DCAF8L2: variants seen among roughly 807,000 people sequenced by gnomAD.
DCAF8L2 encodes the protein DDB1 and CUL4 associated factor 8 like 2, also known as DDB1- and CUL4-associated factor 8-like protein 2.
For missense variants in DCAF8L2, 430 were observed against 490.7 expected, an observed-to-expected ratio of 0.88 and a Z score of 1.17; for synonymous variants, 200 against 190.9, an observed-to-expected ratio of 1.05 and a Z score of -0.39.
the DCAF8L2 span, among the ~76,000 whole-genome samples, chrX:27,527,662 C>A: frequency 9.1e-6 from 1 of 109,934 alleles, no homozygotes. Context: ...CTTGGAACCT[C>A]CGGATTTTTT....
At chrX:27,568,741 T>C in the DCAF8L2 span, among the ~76,000 whole-genome samples, 1 of 108,122 alleles carries the variant, frequency 9.2e-6, no homozygotes, top group African/African-American at 3.4e-5. Context: ...TACATATGTA[T>C]ACATGTGCCA....
the DCAF8L2 span, among the ~76,000 whole-genome samples, chrX:27,579,517 G>T: frequency 9.1e-6 from 1 of 109,464 alleles, no homozygotes; most frequent in African/African-American, 3.3e-5. Context: ...ATGTTTACCT[G>T]TGTAACAAAC....
At chrX:27,647,884 C>T (rs1429719463) in intron 2 of DCAF8L2, among the ~76,000 whole-genome samples, 1 of 111,960 alleles carries the variant, frequency 8.9e-6, no homozygotes, top group African/African-American at 3.2e-5. Flanking sequence ...TAACTTCATT[C>T]CTGCCCTTGC....
intron 2 of DCAF8L2, among the ~76,000 whole-genome samples, chrX:27,661,737 T>C (rs1230806233): frequency 8.9e-6 from 1 of 111,793 alleles, no homozygotes; most frequent in Admixed American, 9.6e-5. Context: ...ACCACCCAAC[T>C]TGACACTGAA....
chrX:27,577,676 T>C, the DCAF8L2 span, among the ~76,000 whole-genome samples: 3 of 111,474 alleles, frequency 2.7e-5, no homozygotes, highest in Non-Finnish European at 5.7e-5. Context: ...AAAAGCTTCT[T>C]AAGCTGATAA....
At chrX:27,681,969 G>T (rs1191832708) in intron 3 of DCAF8L2, among the ~76,000 whole-genome samples, 1 of 110,680 alleles carries the variant, frequency 9.0e-6, no homozygotes, top group Non-Finnish European at 1.9e-5. Flanking sequence ...CATTTTTTTT[G>T]TTGTTGTTTT....
At chrX:27,659,893 A>G (rs1929493145) in intron 2 of DCAF8L2, among the ~76,000 whole-genome samples, 1 of 111,496 alleles carries the variant, frequency 9.0e-6, no homozygotes, top group East Asian at 2.8e-4. Flanking sequence ...TTAAAAAATC[A>G]TAACGTTGGA....
At chrX:27,528,310 A>G in the DCAF8L2 span, among the ~76,000 whole-genome samples, 1 of 107,182 alleles carries the variant, frequency 9.3e-6, no homozygotes, top group Non-Finnish European at 1.9e-5. Context: ...TGTATACCAG[A>G]ATGTATGTTT....
At chrX:27,705,160 A>G (rs909740190) in intron 3 of DCAF8L2, among the ~76,000 whole-genome samples, 7 of 111,552 alleles carry the variant, frequency 6.3e-5, no homozygotes, top group Admixed American at 2.9e-4. Flanking sequence ...GCTGCATACT[A>G]TTCCATGGTG....
chrX:27,734,389 T>C (rs1013846419), intron 4 of DCAF8L2, among the ~76,000 whole-genome samples: 2 of 110,627 alleles, frequency 1.8e-5, no homozygotes, highest in Non-Finnish European at 3.8e-5. Flanking sequence ...GTGCTCTTCA[T>C]GCCTGAGCAT....
the DCAF8L2 span, among the ~76,000 whole-genome samples, chrX:27,507,875 A>G: frequency 9.0e-6 from 1 of 111,469 alleles, no homozygotes; most frequent in African/African-American, 3.3e-5. Flanking sequence ...AATATAATCT[A>G]TGTAAATATA....
At chrX:27,734,327 A>G (rs1921401469) in intron 4 of DCAF8L2, among the ~76,000 whole-genome samples, 2 of 111,292 alleles carry the variant, frequency 1.8e-5, no homozygotes, top group Admixed American at 9.6e-5. Context: ...GAGAGCCAGC[A>G]TTCCTACTAG....
At chrX:27,648,834 A>G (rs1336768333) in intron 2 of DCAF8L2, among the ~76,000 whole-genome samples, 1 of 111,490 alleles carries the variant, frequency 9.0e-6, no homozygotes, top group Non-Finnish European at 1.9e-5. Context: ...CAGAACTTTC[A>G]AATCAAATGA....
the DCAF8L2 span, among the ~76,000 whole-genome samples, chrX:27,472,054 G>A: frequency 2.7e-5 from 3 of 111,667 alleles, no homozygotes; most frequent in Non-Finnish European, 3.8e-5. Context: ...TTTCCACAGT[G>A]AGTAAATATT....
At chrX:27,674,002 C>T (rs191077955) in intron 2 of DCAF8L2, among the ~76,000 whole-genome samples, 31 of 111,385 alleles carry the variant, frequency 2.8e-4, no homozygotes, top group Non-Finnish European at 3.8e-5. Context: ...ACCCTTAAAT[C>T]ACCCATCACA....
the DCAF8L2 span, among the ~76,000 whole-genome samples, chrX:27,511,045 A>T: frequency 9.0e-6 from 1 of 111,089 alleles, no homozygotes; most frequent in Non-Finnish European, 1.9e-5. Context: ...AGCTACTAAA[A>T]AACCCCAGAT....
chrX:27,613,229 A>G (rs1300562298), intron 1 of DCAF8L2, among the ~76,000 whole-genome samples: 1 of 111,038 alleles, frequency 9.0e-6, no homozygotes, highest in Non-Finnish European at 1.9e-5. Flanking sequence ...ATGGGAGTTC[A>G]CTCATGATTT....
chrX:27,533,025 C>T, the DCAF8L2 span, among the ~76,000 whole-genome samples: 5 of 102,308 alleles, frequency 4.9e-5, no homozygotes, highest in Non-Finnish European at 7.9e-5. Flanking sequence ...TGCTGTGAGC[C>T]GAGATTGAAC....
chrX:27,586,275 T>C (rs112406602), upstream of DCAF8L2, among the ~76,000 whole-genome samples: 7,877 of 110,789 alleles, frequency 0.071, 284 homozygotes, highest in Non-Finnish European at 0.11. Flanking sequence ...TAGTATCTAC[T>C]AAAGTTGAAC....
Sources: allele counts gnomAD v4.1 joint callset (sites outside exome capture counted in the v4.1 genomes callset), GRCh38; gene constraint gnomAD v4.1.1; transcripts MANE v1.5; gene names NCBI Gene and HGNC (gene_info 2026-07-23, HGNC 2026-07-21).